The following LCP1 variants were observed in gnomAD, a reference collection of about 807,000 sequenced individuals.
LCP1 encodes lymphocyte cytosolic protein 1, also known as plastin-2.
A neutral mutation model predicts 72.0 loss-of-function variants in LCP1; 23 were observed. That is an observed-to-expected ratio of 0.32 (90% confidence interval 0.23 to 0.45). LCP1 has a LOEUF of 0.45. LCP1 is among the 20% of genes least tolerant of loss of function. LCP1 has a pLI of 1.00. For synonymous variants in LCP1, 245 were observed against 275.4 expected (o/e 0.89, Z 1.09); for missense variants, 571 against 748.3 (o/e 0.76, Z 2.76).
At chr13:46,165,893 C>T (rs1166690703) in intron 1 of LCP1, among the ~76,000 whole-genome samples, 1 of 151,258 alleles carries the variant, frequency 6.6e-6, no homozygotes, top group Non-Finnish European at 1.5e-5. Flanking sequence ...TGTAGAATCT[C>T]AAGACGTTGG....
At chr13:46,175,355 T>G (rs1319273578) in intron 1 of LCP1, among the ~76,000 whole-genome samples, 1 of 152,146 alleles carries the variant, frequency 6.6e-6, no homozygotes, top group Non-Finnish European at 1.5e-5. Flanking sequence ...ATTTTATAGA[T>G]GAGGAAACTG....
intron 15 of LCP1, 117 bp from the exon 16 acceptor site, chr13:46,127,840 G>A: frequency 1.0e-5 from 12 of 1,201,970 alleles, no homozygotes; most frequent in Non-Finnish European, 1.3e-5. Context: ...CTCCTGCAGT[G>A]GCTGGAGTCA....
rs534221736 is a variant in LCP1, at chr13:46,130,896, C to T, written c.1669G>A (p.Asp557Asn). ...STSLPVLDLI[D>N]AIQPGSINYD... Reference sequence around the variant, plus strand: ...TTAATGGAACCTGGTTGGATGGCATCGATGAGGTCCAGAACAGGCAGACTT... The same window carrying T: ...TTAATGGAACCTGGTTGGATGGCATTGATGAGGTCCAGAACAGGCAGACTT... Residue 557 changes from aspartate (D) to asparagine (N), a missense_variant, in exon 15 of 16, where the codon GAT becomes AAT. By Grantham distance (23) the Asp-to-Asn change is conservative (BLOSUM62 1). Coordinates refer to ENST00000323076, the MANE Select transcript of LCP1 (RefSeq NM_002298.5). The T allele has an allele frequency of 1.3e-5, 21 of 1,612,488 alleles. No individual in the cohort carries two copies. The highest frequency in any genetic ancestry group is 3.3e-4 in the Middle Eastern group (2 of 6,056).
At chr13:46,149,688 T>G (rs1360974444) in intron 8 of LCP1, among the ~76,000 whole-genome samples, 2 of 152,202 alleles carry the variant, frequency 1.3e-5, no homozygotes, top group Non-Finnish European at 2.9e-5. Context: ...AAGTAAGTGC[T>G]CATCTGGCCA....
chr13:46,159,589 G>A lies in LCP1; in HGVS notation c.64+10C>T. 6.2e-7 allele frequency: 1 copy of A among 1,611,504 alleles called. No homozygotes were observed. The highest frequency in any genetic ancestry group is 1.3e-5 in the African/African-American group (1 of 75,018). ...AGAATGATGCAATTTGGGGTACCAG[G>A]TCTACTCACCAACTTTGGCAAAAGC... On this transcript the variant is annotated intron_variant, in intron 2 of 15. Transcript: ENST00000323076.
intron 1 of LCP1, among the ~76,000 whole-genome samples, chr13:46,172,302 G>A (rs2045908330): frequency 6.6e-6 from 1 of 152,092 alleles, no homozygotes; most frequent in Non-Finnish European, 1.5e-5. Flanking sequence ...TGGCCAACAT[G>A]GTGAAAACCC....
Position 46,150,920 on chromosome 13 carries a change from A to G in LCP1, c.882+16T>C, listed in dbSNP as rs752155805. ...CACTCCTGCAGAGAGTCATGTTCAA[A>G]CAACGCTCCTCCTACCTTGATGTCA... is the stretch of plus-strand genomic sequence containing the variant. On this transcript the variant is annotated intron_variant, in intron 8 of 15. Coordinates refer to ENST00000323076, the MANE Select transcript of LCP1 (RefSeq NM_002298.5). The G allele has an allele frequency of 2.5e-6, 4 of 1,609,770 alleles. No homozygotes were observed. Among genetic ancestry groups the G allele is most frequent in the Non-Finnish European group, 3.4e-6 (4 of 1,178,208 alleles).
At chr13:46,172,234 T>C (rs1410901075) in intron 1 of LCP1, among the ~76,000 whole-genome samples, 1 of 152,154 alleles carries the variant, frequency 6.6e-6, no homozygotes, top group Non-Finnish European at 1.5e-5. Flanking sequence ...CTGTAATCCC[T>C]GTACTTTGGG....
In LCP1 at chr13:46,178,119, C is replaced by A. The variant is rs533355083; in HGVS notation, c.-25+3992G>T. Among the ~76,000 whole-genome samples, 6 of 152,232 alleles carry A rather than the reference C, an allele frequency of 3.9e-5. No individual in the cohort carries two copies. In the South Asian group the frequency reaches 1.2e-3, roughly 32 times the overall value. ...TAAATAAAATACGTGAATGAATGAA[C>A]TTGCCTTCAAATATGAAGAGGACAC... On this transcript the variant is annotated intron_variant, in intron 1 of 15. Coordinates refer to ENST00000323076, the MANE Select transcript of LCP1 (RefSeq NM_002298.5).
intron 9 of LCP1, among the ~76,000 whole-genome samples, chr13:46,147,635 GTATTAT>G (rs1218076980): frequency 6.6e-6 from 1 of 152,096 alleles, no homozygotes; most frequent in Non-Finnish European, 1.5e-5. Flanking sequence ...GTTAACCTAT[GTATTAT>G]TATTGATAAA....
At position 46,135,846 on chromosome 13, in the gene LCP1, C is replaced by T. The variant is rs574166084; in HGVS notation, c.1503-1596G>A. Among the ~76,000 whole-genome samples, 6 of 151,548 alleles carry T rather than the reference C, an allele frequency of 4.0e-5. No individual in the cohort carries two copies. The South Asian group carries it at 1.0e-3, about 26-fold the overall frequency. ...ACAGGTATGGTCATGGCTCACTGCG[C>T]CCCCGAACTCCTGGGCTCAAGCAAG... is the stretch of plus-strand genomic sequence containing the variant. On this transcript the variant is annotated intron_variant, in intron 13 of 15. Coordinates refer to ENST00000323076, the MANE Select transcript of LCP1 (RefSeq NM_002298.5).
intron 4 of LCP1, among the ~76,000 whole-genome samples, chr13:46,158,017 G>C (rs2045814376): frequency 6.6e-6 from 1 of 152,150 alleles, no homozygotes; most frequent in Non-Finnish European, 1.5e-5. Context: ...GTGAGCCACT[G>C]TGCCCGGCCT....
intron 1 of LCP1, among the ~76,000 whole-genome samples, chr13:46,173,721 T>TC (rs1414487658): frequency 2.0e-5 from 3 of 152,192 alleles, no homozygotes; most frequent in African/African-American, 7.2e-5. Flanking sequence ...TGAAGTCAGG[T>TC]ATTGCAGAAC....
At position 46,141,407 on chromosome 13, in the gene LCP1, A is replaced by G. The variant is rs1384614097; in HGVS notation, c.1502+885T>C. Among the ~76,000 whole-genome samples, 157 of 147,218 alleles carry G rather than the reference A, an allele frequency of 1.1e-3. 3 individuals are homozygous for G. Among genetic ancestry groups the G allele is most frequent in the Non-Finnish European group, 4.6e-4 (31 of 66,668 alleles). Reference sequence around the variant, plus strand: ...GGCGACAGAGCAAGACTCTGTCTCAAAAAAAAAAAAAAAAAAAAAGAAACA... The same window carrying G: ...GGCGACAGAGCAAGACTCTGTCTCAGAAAAAAAAAAAAAAAAAAAGAAACA... On this transcript the variant is annotated intron_variant, in intron 13 of 15. Transcript: ENST00000323076.
intron 1 of LCP1, among the ~76,000 whole-genome samples, chr13:46,181,422 G>C (rs576162784): frequency 6.6e-6 from 1 of 152,260 alleles, no homozygotes; most frequent in African/African-American, 2.4e-5. Flanking sequence ...CATTGATATG[G>C]TCATAAGCAT....
chr13:46,176,469 G>A (rs1412067153), intron 1 of LCP1, among the ~76,000 whole-genome samples: 1 of 152,168 alleles, frequency 6.6e-6, no homozygotes, highest in Non-Finnish European at 1.5e-5. Context: ...GGTTAATAAA[G>A]ATCCACTTCT....
At chr13:46,130,423 A>G (rs1449741293) in intron 15 of LCP1, among the ~76,000 whole-genome samples, 2 of 152,220 alleles carry the variant, frequency 1.3e-5, no homozygotes, top group African/African-American at 4.8e-5. Flanking sequence ...TGAATGGTAA[A>G]ACACAAGACA....
intron 15 of LCP1, among the ~76,000 whole-genome samples, 192 bp downstream of exon 15, chr13:46,130,622 C>G (rs1371181274): frequency 6.7e-6 from 1 of 149,914 alleles, no homozygotes; most frequent in Middle Eastern, 3.4e-3. Flanking sequence ...CATTCTGGCA[C>G]TAGAAGTTTT....
intron 1 of LCP1, among the ~76,000 whole-genome samples, chr13:46,172,927 G>C (rs2045911464): frequency 6.6e-6 from 1 of 152,200 alleles, no homozygotes; most frequent in Non-Finnish European, 1.5e-5. Flanking sequence ...GGTCCAAAAA[G>C]AGAAGTAAGT....
Sources: allele counts gnomAD v4.1 joint callset (sites outside exome capture counted in the v4.1 genomes callset), GRCh38; gene constraint gnomAD v4.1.1; transcripts MANE v1.5; gene names NCBI Gene and HGNC (gene_info 2026-07-23, HGNC 2026-07-21).